Variants in CSMD1 observed in about 807,000 individuals in gnomAD.
CSMD1 encodes CUB and Sushi multiple domains 1.
A neutral mutation model predicts 417.5 loss-of-function variants in CSMD1; 213 were observed. The observed-to-expected ratio is 0.51, with a 90% CI of 0.46 to 0.57. The LOEUF is 0.57. Ranked by LOEUF, CSMD1 falls within the 20% of genes least tolerant of loss-of-function variation. CSMD1 has a pLI of 0.00. For missense variants in CSMD1, 6,923 were observed against 4,529.7 expected, an observed-to-expected ratio of 1.53 and a Z score of -15.17; for synonymous variants, 2,862 against 1,736.8, an observed-to-expected ratio of 1.65 and a Z score of -16.11.
At chr8:4,196,550 C>G (rs1799350591) in intron 3 of CSMD1, among the ~76,000 whole-genome samples, 1 of 152,098 alleles carries the variant, frequency 6.6e-6, no homozygotes, top group Non-Finnish European at 1.5e-5. Context: ...AACTGTGAGT[C>G]ATTCATTTTT....
intron 10 of CSMD1, among the ~76,000 whole-genome samples, chr8:3,564,517 T>TTTTGTGTGTGTGTGTGTGTG (rs144757433): frequency 6.9e-6 from 1 of 145,494 alleles, no homozygotes; most frequent in Non-Finnish European, 1.5e-5. Context: ...CACAGTATAT[T>TTTTGTGTGTGTGTGTGTGTG]TGTGTGTGTG....
chr8:4,171,035 C>G (rs1381024084), intron 3 of CSMD1, among the ~76,000 whole-genome samples: 1 of 151,874 alleles, frequency 6.6e-6, no homozygotes, highest in Non-Finnish European at 1.5e-5. Flanking sequence ...ATGCAGAATG[C>G]ACCGATCTCT....
intron 5 of CSMD1, among the ~76,000 whole-genome samples, chr8:3,771,083 G>C (rs57023090): frequency 0.13 from 20,041 of 151,940 alleles, 1,566 homozygotes; most frequent in Admixed American, 0.2. Context: ...ATAGTCTTGG[G>C]GGTATTGTAT....
chr8:3,666,382 G>T (rs547563554), intron 7 of CSMD1, among the ~76,000 whole-genome samples: 2 of 152,254 alleles, frequency 1.3e-5, no homozygotes, highest in East Asian at 1.9e-4. Flanking sequence ...TAGAGTTCAA[G>T]TAATTGATTA....
intron 47 of CSMD1, among the ~76,000 whole-genome samples, chr8:3,096,539 G>A (rs573257007): frequency 2.6e-4 from 39 of 152,202 alleles, no homozygotes; most frequent in African/African-American, 9.1e-4. Context: ...CTTCCTCCAT[G>A]ATTGTGAGGT....
chr8:4,002,947 T>C (rs1471699281), intron 4 of CSMD1, among the ~76,000 whole-genome samples: 1 of 152,192 alleles, frequency 6.6e-6, no homozygotes, highest in Non-Finnish European at 1.5e-5. Context: ...ACTGTGAATG[T>C]TACGGAAGCA....
At chr8:4,311,846 G>C (rs924327293) in intron 3 of CSMD1, among the ~76,000 whole-genome samples, 1 of 151,998 alleles carries the variant, frequency 6.6e-6, no homozygotes, top group East Asian at 1.9e-4. Context: ...GAGCGGAAAA[G>C]ATCACTGTTA....
chr8:3,335,225 C>T (rs1314727540), intron 23 of CSMD1, among the ~76,000 whole-genome samples: 5 of 152,118 alleles, frequency 3.3e-5, no homozygotes, highest in African/African-American at 9.7e-5. Flanking sequence ...TCCTTTTGCC[C>T]ATACCCTCTG....
In CSMD1 at chr8:3,540,783, G is replaced by C. The variant is rs1477123793; in HGVS notation, c.1344+34162C>G. ...ATGCAGTCAACAAACATGAAAAAAA[G>C]CTCAACATCACTGATAAGTAAAGAA... is the stretch of plus-strand genomic sequence containing the variant. On this transcript the variant is annotated intron_variant, in intron 10 of 69. Coordinates refer to ENST00000635120, the MANE Select transcript of CSMD1 (RefSeq NM_033225.6). Among the ~76,000 whole-genome samples, 4 of 152,226 alleles carry C rather than the reference G, an allele frequency of 2.6e-5. No homozygotes were observed. In the South Asian group the frequency reaches 8.3e-4, roughly 32 times the overall value.
chr8:3,045,032 A>G (rs956062062), intron 50 of CSMD1, among the ~76,000 whole-genome samples: 4 of 152,182 alleles, frequency 2.6e-5, no homozygotes, highest in African/African-American at 9.7e-5. Flanking sequence ...CCCCGAATAA[A>G]AATTAAATCG....
At chr8:3,869,327 AC>A (rs1160324069) in intron 5 of CSMD1, among the ~76,000 whole-genome samples, 2 of 152,150 alleles carry the variant, frequency 1.3e-5, no homozygotes, top group African/African-American at 4.8e-5. Flanking sequence ...GGCATGTATC[AC>A]CTGTGGCTAT....
At chr8:3,085,311 T>A (rs188109877) in intron 49 of CSMD1, among the ~76,000 whole-genome samples, 142 of 152,322 alleles carry the variant, frequency 9.3e-4, no homozygotes, top group African/African-American at 3.2e-3. Flanking sequence ...GACTCCCAGG[T>A]TAACAGAAAG....
intron 49 of CSMD1, among the ~76,000 whole-genome samples, chr8:3,065,574 A>C (rs193156732): frequency 7.9e-5 from 12 of 152,172 alleles, no homozygotes; most frequent in Middle Eastern, 3.4e-3. Context: ...TAGATGATAG[A>C]TACATAGATA....
intron 3 of CSMD1, among the ~76,000 whole-genome samples, chr8:4,235,360 G>T (rs572331231): frequency 2.0e-4 from 30 of 148,730 alleles, no homozygotes; most frequent in Admixed American, 7.4e-4. Context: ...GACGTGTTTT[G>T]TTTTTTTTTT....
chr8:3,251,682 C>G (rs1053279438), intron 26 of CSMD1, among the ~76,000 whole-genome samples: 2 of 152,272 alleles, frequency 1.3e-5, no homozygotes, highest in South Asian at 4.2e-4. Flanking sequence ...AATATTGATT[C>G]TTCCTACCCA....
At chr8:3,343,025 A>G (rs1807763999) in intron 23 of CSMD1, among the ~76,000 whole-genome samples, 1 of 152,152 alleles carries the variant, frequency 6.6e-6, no homozygotes, top group African/African-American at 2.4e-5. Context: ...AATATATTTA[A>G]GCCCATCAGA....
At chr8:4,008,890 G>C (rs770867643) in intron 4 of CSMD1, among the ~76,000 whole-genome samples, 1 of 151,962 alleles carries the variant, frequency 6.6e-6, no homozygotes, top group African/African-American at 2.4e-5. Flanking sequence ...GATTACAGGC[G>C]TGAGCCACCG....
At chr8:4,853,604 T>G (rs1801613128) in intron 1 of CSMD1, among the ~76,000 whole-genome samples, 1 of 152,142 alleles carries the variant, frequency 6.6e-6, no homozygotes, top group Non-Finnish European at 1.5e-5. Flanking sequence ...AATAGGGCAG[T>G]GCCAAAGGGA....
Position 4,058,800 on chromosome 8 carries a change from G to C in CSMD1, c.416-26701C>G, listed in dbSNP as rs563230621. Among the ~76,000 whole-genome samples, 56 of 150,114 alleles carry C rather than the reference G, an allele frequency of 3.7e-4. 1 individual carries two copies. The East Asian group carries it at 5.5e-3, about 15-fold the overall frequency. On this transcript the variant is annotated intron_variant, in intron 3 of 69. Coordinates refer to ENST00000635120, the MANE Select transcript of CSMD1 (RefSeq NM_033225.6). ...CACCCAGATTCATAAAGCAAGTCCTGAGTGACCTACAAAGAGACTTAGACT... is the reference window on the plus strand; with the variant it reads ...CACCCAGATTCATAAAGCAAGTCCTCAGTGACCTACAAAGAGACTTAGACT...
Sources: gnomAD v4.1 joint callset for allele counts (sites outside exome capture counted in the v4.1 genomes callset) on GRCh38, gnomAD v4.1.1 for gene constraint, MANE v1.5 for transcripts, NCBI Gene and HGNC (gene_info 2026-07-23, HGNC 2026-07-21) for gene names.